Variants in ZRSR2 observed in about 807,000 individuals in gnomAD.
ZRSR2 encodes zinc finger CCCH-type, RNA binding motif and serine/arginine rich 2.
Under a neutral mutation model 39.4 loss-of-function variants are expected in ZRSR2, and 3 were observed. That is an observed-to-expected ratio of 0.08 (90% CI 0.03 to 0.20). ZRSR2 has a LOEUF of 0.20. Ranked by LOEUF, ZRSR2 falls within the 10% of genes least tolerant of loss-of-function variation. The probability of loss-of-function intolerance (pLI) is 1.00; values close to 1 mark genes in which losing one functional copy is unlikely to be tolerated. For synonymous variants in ZRSR2, 137 were observed against 136.0 expected, an observed-to-expected ratio of 1.01 and a Z score of -0.05; for missense variants, 256 against 391.5, an observed-to-expected ratio of 0.65 and a Z score of 2.92.
At chrX:15,811,187 T>C (rs1457054792) in intron 7 of ZRSR2, among the ~76,000 whole-genome samples, 1 of 111,713 alleles carries the variant, frequency 9.0e-6, no homozygotes, top group South Asian at 3.7e-4. Flanking sequence ...TTCTCAGATA[T>C]CCACTTTATC....
chrX:15,818,628 T>C lies in ZRSR2; in HGVS notation c.813T>C (p.Tyr271=), dbSNP rs746297119. Residue 271 remains tyrosine, a synonymous_variant, in exon 9 of 11, where the codon TAT becomes TAC. Coordinates refer to ENST00000307771, the MANE Select transcript of ZRSR2 (RefSeq NM_005089.4). ...NLEPHLRGNV[Y]VQYQSEEECQ... ...AACCTCACCTGAGGGGCAATGTATA[T>C]GTTCAGTACCAGTCGTAAGTATTCT... 5.8e-6 allele frequency: 7 copies of C among 1,205,017 alleles called. No homozygotes were observed. The Admixed American group carries it at 1.5e-4, about 26-fold the overall frequency.
At chrX:15,794,327 C>T (rs1267207215) in intron 2 of ZRSR2, among the ~76,000 whole-genome samples, 1 of 110,246 alleles carries the variant, frequency 9.1e-6, no homozygotes, top group Non-Finnish European at 1.9e-5. Flanking sequence ...GGACTCTGAC[C>T]GCCCCCCGCC....
At chrX:15,798,351 G>A (rs943916417) in intron 2 of ZRSR2, among the ~76,000 whole-genome samples, 53 of 111,493 alleles carry the variant, frequency 4.8e-4, no homozygotes, top group Non-Finnish European at 5.5e-4. Context: ...GTTTTTTCAT[G>A]TTTTTATTTG....
chrX:15,794,092 G>A (rs1041908829), intron 2 of ZRSR2, among the ~76,000 whole-genome samples: 2 of 112,204 alleles, frequency 1.8e-5, no homozygotes, highest in African/African-American at 6.5e-5. Context: ...GATTCTGTGT[G>A]TACAGTTACA....
intron 2 of ZRSR2, among the ~76,000 whole-genome samples, chrX:15,796,811 T>C (rs1224650120): frequency 1.4e-5 from 1 of 70,152 alleles, no homozygotes; most frequent in Non-Finnish European, 2.7e-5. Flanking sequence ...TTTTTTTTTT[T>C]GAGACAGAGT....
chrX:15,808,104 A>T (rs1242004430), intron 5 of ZRSR2, 129 bp from the exon 6 acceptor site: 1 of 598,411 alleles, frequency 1.7e-6, no homozygotes, highest in African/African-American at 2.3e-5. Flanking sequence ...TCTGTGATTC[A>T]AAAGAAAACT....
intron 5 of ZRSR2, among the ~76,000 whole-genome samples, chrX:15,806,034 G>C (rs1407046551): frequency 8.9e-6 from 1 of 111,954 alleles, no homozygotes. Flanking sequence ...AATTTCTGAG[G>C]AGGTGATGTT....
intron 4 of ZRSR2, 85 bp downstream of exon 4, chrX:15,803,881 T>G: frequency 8.9e-7 from 1 of 1,123,556 alleles, no homozygotes; most frequent in Non-Finnish European, 1.2e-6. Flanking sequence ...CTTGGGAGGT[T>G]GGAGTGAGCT....
At chrX:15,794,506 A>G (rs768738459) in intron 2 of ZRSR2, among the ~76,000 whole-genome samples, 6 of 112,205 alleles carry the variant, frequency 5.3e-5, no homozygotes, top group African/African-American at 1.9e-4. Context: ...TAAGCTAGAG[A>G]AAAGAATGTT....
chrX:15,799,975 T>TA (rs1932612270), intron 3 of ZRSR2, 22 bp downstream of exon 3: 1 of 1,058,735 alleles, frequency 9.4e-7, no homozygotes, highest in South Asian at 2.0e-5. Flanking sequence ...TTGAAACACT[T>TA]AAAGTGAATG....
intron 3 of ZRSR2, among the ~76,000 whole-genome samples, chrX:15,803,458 G>T: frequency 9.0e-6 from 1 of 111,227 alleles, no homozygotes; most frequent in Non-Finnish European, 1.9e-5. Context: ...CCTATGAAAT[G>T]TAAGAGAGAT....
intron 7 of ZRSR2, among the ~76,000 whole-genome samples, chrX:15,814,453 A>AC (rs758367511): frequency 8.0e-4 from 89 of 111,020 alleles, no homozygotes; most frequent in African/African-American, 2.8e-3. Context: ...ACATAGCGAG[A>AC]CCCCGTCCCT....
chrX:15,814,104 T>C (rs1055510813), intron 7 of ZRSR2, among the ~76,000 whole-genome samples: 2 of 109,147 alleles, frequency 1.8e-5, no homozygotes, highest in African/African-American at 3.3e-5. Flanking sequence ...AGTTTTTGTC[T>C]TACCAATTTT....
chrX:15,792,061 C>T (rs1002924022), intron 2 of ZRSR2, among the ~76,000 whole-genome samples: 41 of 112,293 alleles, frequency 3.7e-4, no homozygotes, highest in Non-Finnish European at 6.4e-4. Context: ...CCACCTCGGC[C>T]TCCCAAAGTG....
chrX:15,813,586 T>C (rs1168944511), intron 7 of ZRSR2, among the ~76,000 whole-genome samples: 1 of 112,563 alleles, frequency 8.9e-6, no homozygotes, highest in Non-Finnish European at 1.9e-5. Context: ...ACTTTGGTTC[T>C]ATTCCAAAAC....
chrX:15,792,424 A>AAAAC (rs779416244), intron 2 of ZRSR2, among the ~76,000 whole-genome samples: 2 of 112,242 alleles, frequency 1.8e-5, no homozygotes, highest in Admixed American at 1.9e-4. Flanking sequence ...TCTGTCTCAA[A>AAAAC]AAACAAACAA....
intron 10 of ZRSR2, among the ~76,000 whole-genome samples, chrX:15,820,958 C>A (rs1195268659): frequency 9.0e-6 from 1 of 111,681 alleles, no homozygotes; most frequent in Non-Finnish European, 1.9e-5. Flanking sequence ...TCTGATTTCT[C>A]TCAGTGGACT....
chrX:15,822,921 G>T lies in ZRSR2; in HGVS notation c.1128G>T (p.Arg376Ser). 3 of 1,212,368 alleles carry T rather than the reference G, an allele frequency of 2.5e-6. No individual in the cohort carries two copies. Among genetic ancestry groups the T allele is most frequent in the South Asian group, 1.8e-5 (1 of 57,049 alleles). ...GCCACCACGACGACTACTACAGCAGGCTGCGGGGAAGGAGAAACCCTAGTC... is the reference window on the plus strand; with the variant it reads ...GCCACCACGACGACTACTACAGCAGTCTGCGGGGAAGGAGAAACCCTAGTC... ...RMGHHDDYYS[R>S]LRGRRNPSPD... is the part of the protein sequence containing the mutation. The change falls in exon 11 of 11, where the codon AGG becomes AGT. Residue 376 changes from arginine to serine, a missense_variant. Arg to Ser is a moderately radical substitution (Grantham distance 110). Coordinates refer to ENST00000307771, the MANE Select transcript of ZRSR2 (RefSeq NM_005089.4).
At chrX:15,790,845 T>C in intron 1 of ZRSR2, 89 bp from the exon 2 acceptor site, 1 of 914,286 alleles carries the variant, frequency 1.1e-6, no homozygotes, top group Admixed American at 2.4e-5. Flanking sequence ...ACCCGAACTA[T>C]TTCCTTTCAT....
Sources: allele counts gnomAD v4.1 joint callset (sites outside exome capture counted in the v4.1 genomes callset), GRCh38; gene constraint gnomAD v4.1.1; transcripts MANE v1.5; gene names NCBI Gene and HGNC (gene_info 2026-07-23, HGNC 2026-07-21).